ZC3H12B: variants seen among roughly 807,000 people sequenced by gnomAD.
ZC3H12B encodes probable ribonuclease ZC3H12B.
Under a neutral mutation model 43.9 loss-of-function variants are expected in ZC3H12B, and 7 were observed. That is an observed-to-expected ratio of 0.16 (90% CI 0.09 to 0.30). ZC3H12B has a LOEUF of 0.30. Ranked by LOEUF, ZC3H12B falls within the 10% of genes least tolerant of loss-of-function variation. The pLI, the probability that ZC3H12B is intolerant of heterozygous loss-of-function variation, is 1.00. For synonymous variants in ZC3H12B, 222 were observed against 241.7 expected (o/e 0.92, Z 0.76); for missense variants, 475 against 670.2 (o/e 0.71, Z 3.22).
chrX:65,445,364 G>T (rs1360100064), intron 3 of ZC3H12B, among the ~76,000 whole-genome samples: 5 of 112,249 alleles, frequency 4.5e-5, no homozygotes, highest in African/African-American at 1.6e-4. Context: ...AGGCTTTCAG[G>T]TATTCAAAGG....
At chrX:65,385,298 ATTTG>A (rs1181942165) in intron 2 of ZC3H12B, among the ~76,000 whole-genome samples, 2 of 111,860 alleles carry the variant, frequency 1.8e-5, no homozygotes, top group African/African-American at 6.5e-5. Context: ...ATGTTCTTCC[ATTTG>A]TTTGTGTCCT....
intron 2 of ZC3H12B, among the ~76,000 whole-genome samples, chrX:65,382,798 G>C (rs187961489): frequency 9.0e-6 from 1 of 111,126 alleles, no homozygotes; most frequent in Non-Finnish European, 1.9e-5. Context: ...AAGCATTCTT[G>C]TACACCAACA....
At chrX:65,072,731 CT>C in the ZC3H12B span, among the ~76,000 whole-genome samples, 1 of 112,201 alleles carries the variant, frequency 8.9e-6, no homozygotes, top group Admixed American at 9.4e-5. Context: ...TTCACATGTC[CT>C]AGCAGCAGTG....
At chrX:65,460,511 A>C (rs903385560) in intron 3 of ZC3H12B, among the ~76,000 whole-genome samples, 2 of 111,933 alleles carry the variant, frequency 1.8e-5, no homozygotes, top group Non-Finnish European at 1.9e-5. Context: ...CAAAACAGAG[A>C]TATAGACCAA....
At chrX:65,124,193 A>G in the ZC3H12B span, among the ~76,000 whole-genome samples, 1 of 110,589 alleles carries the variant, frequency 9.0e-6, no homozygotes, top group Non-Finnish European at 1.9e-5. Context: ...GAAGTTTTCT[A>G]TGTAAAGGGA....
chrX:65,265,339 C>G, the ZC3H12B span, among the ~76,000 whole-genome samples: 1 of 111,689 alleles, frequency 9.0e-6, no homozygotes, highest in African/African-American at 3.3e-5. Flanking sequence ...TTATTGGCAA[C>G]TGGAGTGTGC....
chrX:65,388,481 T>C (rs1383128190), intron 2 of ZC3H12B, among the ~76,000 whole-genome samples: 2 of 112,389 alleles, frequency 1.8e-5, no homozygotes. Flanking sequence ...TGCCTTGGTA[T>C]TCAGCTCCAT....
the ZC3H12B span, among the ~76,000 whole-genome samples, chrX:65,128,311 C>T: frequency 8.9e-6 from 1 of 112,014 alleles, no homozygotes; most frequent in Non-Finnish European, 1.9e-5. Flanking sequence ...CTGAGATTTT[C>T]TTCTTGACCT....
the ZC3H12B span, among the ~76,000 whole-genome samples, chrX:65,245,924 A>T: frequency 7.9e-3 from 822 of 104,438 alleles, 17 homozygotes; most frequent in African/African-American, 0.025. Flanking sequence ...TAAAATATTT[A>T]AAAAAAAAAA....
the ZC3H12B span, among the ~76,000 whole-genome samples, chrX:65,173,482 G>T: frequency 7.2e-5 from 8 of 111,723 alleles, no homozygotes; most frequent in Admixed American, 7.6e-4. Flanking sequence ...GTTAGAGAGG[G>T]CGTCCTTGTC....
At chrX:65,491,434 C>T (rs971887183) in intron 1 of ZC3H12B, among the ~76,000 whole-genome samples, 4 of 111,290 alleles carry the variant, frequency 3.6e-5, no homozygotes, top group African/African-American at 1.3e-4. Flanking sequence ...GGGCCAGGTA[C>T]GGTGGCTCAC....
At chrX:65,320,960 G>T in the ZC3H12B span, among the ~76,000 whole-genome samples, 101 of 112,210 alleles carry the variant, frequency 9.0e-4, no homozygotes, top group African/African-American at 3.1e-3. Flanking sequence ...AGACAACTTA[G>T]GCAATACCAT....
intron 1 of ZC3H12B, among the ~76,000 whole-genome samples, chrX:65,367,836 C>A (rs2066193341): frequency 9.0e-6 from 1 of 110,911 alleles, no homozygotes; most frequent in South Asian, 3.8e-4. Flanking sequence ...CATCCGGCAC[C>A]AAGAAACAAC....
the ZC3H12B span, among the ~76,000 whole-genome samples, chrX:65,172,759 C>T: frequency 9.0e-6 from 1 of 111,442 alleles, no homozygotes; most frequent in Non-Finnish European, 1.9e-5. Flanking sequence ...ATATCTGAGT[C>T]CTCTGTTCTG....
the ZC3H12B span, among the ~76,000 whole-genome samples, chrX:65,115,394 T>C: frequency 9.0e-6 from 1 of 111,727 alleles, no homozygotes; most frequent in Non-Finnish European, 1.9e-5. Context: ...CATTCATTTT[T>C]TTTTTGCTAA....
chrX:65,325,119 T>C, the ZC3H12B span, among the ~76,000 whole-genome samples: 2 of 111,207 alleles, frequency 1.8e-5, no homozygotes, highest in Non-Finnish European at 3.8e-5. Flanking sequence ...CAAATCTCTT[T>C]TGGTTTTCAT....
chrX:65,489,461 T>G, intron 1 of ZC3H12B, 52 bp downstream of exon 6: 1 of 1,132,640 alleles, frequency 8.8e-7, no homozygotes, highest in Non-Finnish European at 1.2e-6. Flanking sequence ...CCTGAGCTCA[T>G]AGAAATTTTC....
chrX:65,090,273 G>A, the ZC3H12B span, among the ~76,000 whole-genome samples: 3 of 111,136 alleles, frequency 2.7e-5, no homozygotes, highest in Non-Finnish European at 5.7e-5. Flanking sequence ...AATTTTATTG[G>A]ACCACCTTTG....
chrX:65,167,824 G>A, the ZC3H12B span, among the ~76,000 whole-genome samples: 3 of 111,781 alleles, frequency 2.7e-5, no homozygotes, highest in East Asian at 2.8e-4. Flanking sequence ...GTTCACTCAT[G>A]ATTTGGCTCT....
Sources: allele counts gnomAD v4.1 joint callset (sites outside exome capture counted in the v4.1 genomes callset), GRCh38; gene constraint gnomAD v4.1.1; transcripts MANE v1.5; gene names NCBI Gene and HGNC (gene_info 2026-07-23, HGNC 2026-07-21).